Variants in NRL observed in about 807,000 individuals in gnomAD.
The protein encoded by NRL is neural retina leucine zipper.
In NRL, 16 loss-of-function variants were observed where a neutral mutation model predicts 12.5. That is an observed-to-expected ratio of 1.28 (90% CI 0.87 to 1.95). The LOEUF is 1.95. NRL is among the 30% of genes most tolerant of loss of function. The probability of loss-of-function intolerance (pLI) is 0.00; values close to 1 mark genes in which losing one functional copy is unlikely to be tolerated. For synonymous variants in NRL, 142 were observed against 150.9 expected, an observed-to-expected ratio of 0.94 and a Z score of 0.43; for missense variants, 314 against 325.8, an observed-to-expected ratio of 0.96 and a Z score of 0.28.
Position 24,086,359 on chromosome 14 carries a change from G to T in NRL, c.-27-3484C>A, listed in dbSNP as rs2036465859. Among the ~76,000 whole-genome samples, 6 of 152,178 alleles carry T rather than the reference G, an allele frequency of 3.9e-5. No individual in the cohort carries two copies. In the South Asian group the frequency reaches 1.2e-3, roughly 32 times the overall value. Reference sequence around the variant, plus strand: ...CTACCATGCTTTCCATACACATATTGGAAAACCTAGATCAGATGACATCAC... The same window carrying T: ...CTACCATGCTTTCCATACACATATTTGAAAACCTAGATCAGATGACATCAC... On this transcript the variant is annotated intron_variant, in intron 1 of 2. Coordinates refer to ENST00000561028, the MANE Select transcript of NRL (RefSeq NM_001354768.3).
At position 24,094,283 on chromosome 14, in the gene NRL, T is replaced by G; in HGVS notation, c.-27-11408A>C. On this transcript the variant is annotated intron_variant, in intron 1 of 2. Coordinates refer to ENST00000561028, the MANE Select transcript of NRL (RefSeq NM_001354768.3). This position sits in a 1 kb window ranked among gnomAD's most constrained non-coding sequence, Gnocchi z 4.1. ...CCGCCCCCGCGCCTGCCCCCCTCCT[T>G]TTTAAGCGCCTCCCGCCAGCCTCTG... 3.3e-5 allele frequency: 32 copies of G among 961,198 alleles called. No individual in the cohort carries two copies. The highest frequency in any genetic ancestry group is 4.7e-5 in the Non-Finnish European group (30 of 643,820). 59.5% of individuals were successfully genotyped at this position (961,198 alleles called of 1,614,324 possible).
intron 1 of NRL, among the ~76,000 whole-genome samples, chr14:24,089,521 C>T (rs1011781101): frequency 2.0e-5 from 3 of 152,102 alleles, no homozygotes; most frequent in African/African-American, 7.2e-5. Flanking sequence ...GCTGGGATTA[C>T]AAGGCATGAG....
At chr14:24,089,960 GT>G (rs2036570155) in intron 1 of NRL, among the ~76,000 whole-genome samples, 1 of 152,186 alleles carries the variant, frequency 6.6e-6, no homozygotes, top group Non-Finnish European at 1.5e-5. Context: ...GGGAAGAACA[GT>G]GATAGCTGAG....
chr14:24,099,827 C>A, intron 1 of NRL: 2 of 1,503,928 alleles, frequency 1.3e-6, no homozygotes, highest in Non-Finnish European at 1.9e-6. Flanking sequence ...TTCCTGAACA[C>A]CCAACCCTGC....
intron 1 of NRL, chr14:24,102,669 C>G (rs1050319743): frequency 5.8e-6 from 7 of 1,198,490 alleles, no homozygotes; most frequent in African/African-American, 3.1e-5. Flanking sequence ...AAAAAAGAAC[C>G]CTGCAAGAAT....
In NRL at chr14:24,081,201, C is replaced by A. The variant is rs1286496074; in HGVS notation, c.*35G>T. 1 of 1,375,272 alleles carries A rather than the reference C, an allele frequency of 7.3e-7. No individual in the cohort carries two copies. Among genetic ancestry groups the A allele is most frequent in the Non-Finnish European group, 9.5e-7 (1 of 1,050,214 alleles). The allele number at this position is 1,375,272 out of a possible 1,614,324, so 85.2% of individuals were successfully genotyped here. A position where few individuals can be genotyped will look rare whatever the true frequency, so the allele number is the denominator to read the frequency against. On this transcript the variant is annotated 3_prime_UTR_variant, in exon 3 of 3. Transcript: ENST00000561028. This position sits in a 1 kb window ranked among gnomAD's most constrained non-coding sequence, Gnocchi z 4.4. ...GCCTCCTGGGCGGAGCCACCCCACC[C>A]AGCCCCCACTACACCACAAGGTGCT...
chr14:24,114,753 G>A lies in NRL; in HGVS notation c.-59C>T. ...ATCATCGTGCTCCGCTGTCCAGTTG[G>A]CTGGCCAAGGGGGCGGGGCCGTCGT... is the stretch of plus-strand genomic sequence containing the variant. On this transcript the variant is annotated 5_prime_UTR_variant, in exon 1 of 3. Transcript: ENST00000561028. 3.0e-6 allele frequency: 3 copies of A among 985,972 alleles called. No homozygotes were observed. Among genetic ancestry groups the A allele is most frequent in the Non-Finnish European group, 3.6e-6 (3 of 829,982 alleles). 61.1% of individuals were successfully genotyped at this position (985,972 alleles called of 1,614,324 possible). A position where few individuals can be genotyped will look rare whatever the true frequency, so the allele number is the denominator to read the frequency against.
In NRL at chr14:24,078,695, A is replaced by C. The variant is rs79203653; in HGVS notation, c.*2541T>G. On this transcript the variant is annotated 3_prime_UTR_variant, in exon 3 of 3. Transcript: ENST00000561028. ...CGTAGCATGTGTCAACTTTATGCTA[A>C]GTGCTTATTTAAATGCATTTATTCT... is the stretch of plus-strand genomic sequence containing the variant. 2.6e-3 allele frequency among the ~76,000 whole-genome samples: 395 copies of C among 152,340 alleles called. No individual in the cohort carries two copies. Among genetic ancestry groups the C allele is most frequent in the African/African-American group, 9.1e-3 (377 of 41,592 alleles).
At chr14:24,108,475 G>C (rs1192495634) in intron 1 of NRL, among the ~76,000 whole-genome samples, 1 of 151,736 alleles carries the variant, frequency 6.6e-6, no homozygotes, top group Non-Finnish European at 1.5e-5. Flanking sequence ...GTAGCTACAG[G>C]TGTAAGCCAC....
At chr14:24,090,289 G>A (rs1485363750) in intron 1 of NRL, among the ~76,000 whole-genome samples, 1 of 132,032 alleles carries the variant, frequency 7.6e-6, no homozygotes, top group South Asian at 2.9e-4. Flanking sequence ...GGGCACGGGG[G>A]GGGACTTTCA....
chr14:24,078,841 C>A lies in NRL; in HGVS notation c.*2395G>T, dbSNP rs994260949. Among the ~76,000 whole-genome samples, 21 of 152,186 alleles carry A rather than the reference C, an allele frequency of 1.4e-4. No homozygotes were observed. The highest frequency in any genetic ancestry group is 5.1e-4 in the African/African-American group (21 of 41,442). ...CTTGAAACAGGGTCTCACTCTGCCA[C>A]CCAGGCTGGAATGCAGTGGCACGAT... On this transcript the variant is annotated 3_prime_UTR_variant, in exon 3 of 3. Coordinates refer to ENST00000561028, the MANE Select transcript of NRL (RefSeq NM_001354768.3).
intron 1 of NRL, chr14:24,114,325 T>A (rs2037484706): frequency 6.6e-6 from 1 of 152,238 alleles, no homozygotes; most frequent in African/African-American, 2.4e-5. Flanking sequence ...TTCCAAAAGC[T>A]AAGCCCGGAA....
chr14:24,091,637 TAGAGTCAGAAAGA>T (rs1158695308), intron 1 of NRL, among the ~76,000 whole-genome samples: 1 of 152,108 alleles, frequency 6.6e-6, no homozygotes, highest in African/African-American at 2.4e-5. Context: ...ACTTGGTAAT[TAGAGTCAGAAAGA>T]TATGGATTCA....
In NRL at chr14:24,114,820, T is replaced by C; in HGVS notation, c.-126A>G. Reference sequence around the variant, plus strand: ...GCCGGCCAGGAAGCCGCGAGATGCGTGACGAGCGAAGCGCGTGACGGAGGA... The same window carrying C: ...GCCGGCCAGGAAGCCGCGAGATGCGCGACGAGCGAAGCGCGTGACGGAGGA... On this transcript the variant is annotated 5_prime_UTR_variant, in exon 1 of 3. Transcript: ENST00000561028. The C allele has an allele frequency of 1.0e-6, 1 of 985,942 alleles. No individual in the cohort carries two copies. Among genetic ancestry groups the C allele is most frequent in the Non-Finnish European group, 1.2e-6 (1 of 829,946 alleles). 61.1% of individuals were successfully genotyped at this position (985,942 alleles called of 1,614,324 possible).
chr14:24,082,480 GGCT>G lies in NRL; in HGVS notation c.366_368del (p.Ala123del). On this transcript the variant is annotated inframe_deletion, in exon 2 of 3. Coordinates refer to ENST00000561028, the MANE Select transcript of NRL (RefSeq NM_001354768.3). ...GCTGACCACTCACCTGGACGTGCTG[GGCT>G]CCTGTCTCCTCTGGGCTCCCTGGGT... The G allele has an allele frequency of 6.2e-7, 1 of 1,612,622 alleles. No individual in the cohort carries two copies. The highest frequency in any genetic ancestry group is 1.1e-5 in the South Asian group (1 of 91,058).
intron 1 of NRL, chr14:24,099,578 T>G: frequency 6.2e-7 from 1 of 1,603,246 alleles, no homozygotes; most frequent in Non-Finnish European, 8.5e-7. Context: ...TCACCAGCCC[T>G]GCAGGGAAGA....
At chr14:24,105,343 G>T (rs1176823817) in intron 1 of NRL, among the ~76,000 whole-genome samples, 2 of 152,244 alleles carry the variant, frequency 1.3e-5, no homozygotes, top group Non-Finnish European at 2.9e-5. Flanking sequence ...TCACAAACAT[G>T]TCACAGTGCT....
chr14:24,097,958 CTTTT>C (rs113313039), intron 1 of NRL, among the ~76,000 whole-genome samples: 4 of 145,398 alleles, frequency 2.8e-5, no homozygotes, highest in African/African-American at 1.0e-4. Flanking sequence ...AGATCCTTTG[CTTTT>C]TTTTTTTTTC....
intron 1 of NRL, chr14:24,103,571 C>T (rs113162916): frequency 5.7e-6 from 9 of 1,589,638 alleles, no homozygotes; most frequent in East Asian, 4.5e-5. Context: ...ACTTCGGGCA[C>T]TACCTGGAAC....
Sources: gnomAD v4.1 joint callset for allele counts (sites outside exome capture counted in the v4.1 genomes callset) on GRCh38, gnomAD v4.1.1 for gene constraint, Gnocchi (gnomAD v3.1) non-coding constraint, MANE v1.5 for transcripts, NCBI Gene and HGNC (gene_info 2026-07-23, HGNC 2026-07-21) for gene names.